The following CADM1 variants were observed in gnomAD, a reference collection of about 807,000 sequenced individuals.
CADM1 encodes TSLC-1.
Under a neutral mutation model 53.1 loss-of-function variants are expected in CADM1, and 15 were observed. That is an observed-to-expected ratio of 0.28 (90% CI 0.19 to 0.44). CADM1 has a LOEUF of 0.44. CADM1 is among the 20% of genes least tolerant of loss of function. CADM1 has a pLI of 1.00. For missense variants in CADM1, 434 were observed against 611.3 expected, an observed-to-expected ratio of 0.71 and a Z score of 3.06; for synonymous variants, 281 against 243.0, an observed-to-expected ratio of 1.16 and a Z score of -1.45.
chr11:115,179,324 G>T (rs1939198973), intron 10 of CADM1, among the ~76,000 whole-genome samples: 1 of 152,208 alleles, frequency 6.6e-6, no homozygotes, highest in Non-Finnish European at 1.5e-5. Flanking sequence ...CTACATTTAG[G>T]ATGTATGAAG....
At chr11:115,323,481 C>T (rs889747287) in intron 1 of CADM1, among the ~76,000 whole-genome samples, 1 of 152,036 alleles carries the variant, frequency 6.6e-6, no homozygotes, top group Non-Finnish European at 1.5e-5. Context: ...TGAAATTTCA[C>T]TTGATTAGAT....
Position 115,175,116 on chromosome 11 carries a change from T to G in CADM1, c.*1358A>C. The stretch of plus-strand genomic sequence containing the variant: ...GGTAAAAAGATAAAAACACTCACAT[T>G]TGAGTTTTGATTAAGTAACTGAAAA... On this transcript the variant is annotated 3_prime_UTR_variant, in exon 12 of 12. Coordinates refer to ENST00000331581, the MANE Select transcript of CADM1 (RefSeq NM_001301043.2). 1 of 985,792 alleles carries G rather than the reference T, an allele frequency of 1.0e-6. No individual in the cohort carries two copies. Among genetic ancestry groups the G allele is most frequent in the Non-Finnish European group, 1.2e-6 (1 of 829,922 alleles). 61.1% of individuals were successfully genotyped at this position (985,792 alleles called of 1,614,324 possible).
intron 1 of CADM1, among the ~76,000 whole-genome samples, chr11:115,401,522 C>A (rs992367187): frequency 6.6e-6 from 1 of 152,026 alleles, no homozygotes; most frequent in East Asian, 1.9e-4. Flanking sequence ...GCAGAAGAAT[C>A]GCTTGAACCC....
chr11:115,497,335 T>C (rs762324580), intron 1 of CADM1, among the ~76,000 whole-genome samples: 1 of 152,202 alleles, frequency 6.6e-6, no homozygotes, highest in Non-Finnish European at 1.5e-5. Flanking sequence ...TCTCCCACCT[T>C]ATCTCCCTTA....
intron 1 of CADM1, among the ~76,000 whole-genome samples, chr11:115,401,729 A>AT (rs1453414694): frequency 6.6e-6 from 1 of 152,238 alleles, no homozygotes; most frequent in Admixed American, 6.5e-5. Context: ...AATATGTGTC[A>AT]TTATACCTTT....
In CADM1 at chr11:115,266,934, T is replaced by C. The variant is rs964322337; in HGVS notation, c.125-26514A>G. On this transcript the variant is annotated intron_variant, in intron 1 of 11. Transcript: ENST00000331581. ...ATTGTTTTAACCGTGATGTGATAAA[T>C]AATAAATCAGAATACAAGTTACTCT... Among the ~76,000 whole-genome samples the C allele has an allele frequency of 2.6e-5, 4 of 152,220 alleles. No individual in the cohort carries two copies. The East Asian group carries it at 7.7e-4, about 29-fold the overall frequency.
chr11:115,504,111 C>T (rs1253104553), intron 1 of CADM1, among the ~76,000 whole-genome samples, 160 bp downstream of exon 1: 2 of 152,168 alleles, frequency 1.3e-5, no homozygotes, highest in Non-Finnish European at 2.9e-5. Context: ...ATGCCCTCAG[C>T]CCCTTCCCTC....
chr11:115,206,813 C>G (rs1356968002), intron 8 of CADM1, among the ~76,000 whole-genome samples: 1 of 48,768 alleles, frequency 2.1e-5, no homozygotes, highest in Non-Finnish European at 4.1e-5. Context: ...ATGTTACTGT[C>G]ACCGAATTTG....
chr11:115,369,754 G>A (rs764177874), intron 1 of CADM1, among the ~76,000 whole-genome samples: 1 of 152,002 alleles, frequency 6.6e-6, no homozygotes, highest in Non-Finnish European at 1.5e-5. Context: ...CAGGTTTCAC[G>A]GGTCCACAGC....
chr11:115,267,696 T>C lies in CADM1; in HGVS notation c.125-27276A>G, dbSNP rs920331669. On this transcript the variant is annotated intron_variant, in intron 1 of 11. Transcript: ENST00000331581. ...TTGCTTTCTTTTTTTTTTTTTTTTT[T>C]TTCTAAAATTGCTTTCTTCGGCAAA... Among the ~76,000 whole-genome samples, 10 of 139,702 alleles carry C rather than the reference T, an allele frequency of 7.2e-5. No homozygotes were observed. In the East Asian group the frequency reaches 7.8e-4, roughly 11 times the overall value. The allele number at this position is 139,702 out of a possible 152,430, so 91.6% of individuals were successfully genotyped here.
At chr11:115,413,644 C>CTTTTTTTTTTTTTTTTTTTTTTT (rs71066424) in intron 1 of CADM1, among the ~76,000 whole-genome samples, 4 of 120,908 alleles carry the variant, frequency 3.3e-5, no homozygotes, top group African/African-American at 5.9e-5. Context: ...CAGCTCAGTT[C>CTTTTTTTTTTTTTTTTTTTTTTT]TTTTTTTTTT....
At chr11:115,397,661 C>T (rs1028831419) in intron 1 of CADM1, 9 of 151,982 alleles carry the variant, frequency 5.9e-5, no homozygotes, top group Non-Finnish European at 1.3e-4. Flanking sequence ...TGAACCAACA[C>T]ATGATCTGTA....
intron 1 of CADM1, among the ~76,000 whole-genome samples, chr11:115,305,049 C>T (rs564280495): frequency 6.6e-6 from 1 of 152,092 alleles, no homozygotes; most frequent in East Asian, 1.9e-4. Flanking sequence ...ACGAAATAGA[C>T]ACCTAGACAG....
intron 1 of CADM1, among the ~76,000 whole-genome samples, chr11:115,349,943 T>C (rs1945681995): frequency 1.3e-5 from 2 of 152,290 alleles, no homozygotes; most frequent in African/African-American, 4.8e-5. Context: ...ATTTGTTTCA[T>C]AGCCTTACCA....
intron 1 of CADM1, among the ~76,000 whole-genome samples, chr11:115,474,753 C>T (rs935099665): frequency 2.0e-5 from 3 of 151,492 alleles, no homozygotes; most frequent in African/African-American, 4.9e-5. Context: ...ATGTAAATGA[C>T]GAGTTAATGG....
intron 1 of CADM1, among the ~76,000 whole-genome samples, chr11:115,420,295 T>C (rs1002537296): frequency 6.6e-6 from 1 of 152,200 alleles, no homozygotes; most frequent in Non-Finnish European, 1.5e-5. Context: ...AAACTTGGAA[T>C]TGACTTGCTC....
chr11:115,492,468 A>G (rs1721773467), intron 1 of CADM1, among the ~76,000 whole-genome samples: 1 of 152,210 alleles, frequency 6.6e-6, no homozygotes, highest in South Asian at 2.1e-4. Context: ...AACAAAATAT[A>G]AACAGAAATA....
Position 115,461,969 on chromosome 11 carries a change from C to T in CADM1, c.124+42302G>A, listed in dbSNP as rs117534892. Among the ~76,000 whole-genome samples, 479 of 152,026 alleles carry T rather than the reference C, an allele frequency of 3.2e-3. 3 individuals carry two copies. Among genetic ancestry groups the T allele is most frequent in the Non-Finnish European group, 5.3e-3 (362 of 67,986 alleles). ...TAAGATCTAGAACACCAAAGAGAAC[C>T]CATGGAAAAAGGGAAGCAAATAACC... On this transcript the variant is annotated intron_variant, in intron 1 of 11. Coordinates refer to ENST00000331581, the MANE Select transcript of CADM1 (RefSeq NM_001301043.2).
Position 115,289,657 on chromosome 11 carries a change from G to A in CADM1, c.125-49237C>T, listed in dbSNP as rs112672001. ...GTCGCCCAGGCTGGAGTGCAGTGGC[G>A]CGATCTCCGCTCACTGCAAGCTCTG... On this transcript the variant is annotated intron_variant, in intron 1 of 11. Coordinates refer to ENST00000331581, the MANE Select transcript of CADM1 (RefSeq NM_001301043.2). Among the ~76,000 whole-genome samples, 1,271 of 144,752 alleles carry A rather than the reference G, an allele frequency of 8.8e-3. 6 individuals are homozygous for A. Among genetic ancestry groups the A allele is most frequent in the Middle Eastern group, 0.015 (4 of 260 alleles). The allele number at this position is 144,752 out of a possible 152,430, so 95.0% of individuals were successfully genotyped here.
Sources: gnomAD v4.1 joint callset for allele counts (sites outside exome capture counted in the v4.1 genomes callset) on GRCh38, gnomAD v4.1.1 for gene constraint, MANE v1.5 for transcripts, NCBI Gene and HGNC (gene_info 2026-07-23, HGNC 2026-07-21) for gene names.